TRAPPC9: variants seen among roughly 807,000 people sequenced by gnomAD.
TRAPPC9 encodes trafficking protein particle complex subunit 9, also known as IKK2 binding protein.
A neutral mutation model predicts 124.0 loss-of-function variants in TRAPPC9; 83 were observed. The observed-to-expected ratio is 0.67, with a 90% CI of 0.56 to 0.80. The LOEUF (loss-of-function observed/expected upper bound fraction) is 0.80, where lower values mean the gene tolerates loss of function less well. TRAPPC9 is among the 30% of genes least tolerant of loss of function. The pLI, the probability that TRAPPC9 is intolerant of heterozygous loss-of-function variation, is 0.00. For synonymous variants in TRAPPC9, 638 were observed against 617.5 expected (o/e 1.03, Z -0.49); for missense variants, 1,302 against 1,508.3 (o/e 0.86, Z 2.27).
At chr8:139,930,731 T>G (rs548557111) in intron 19 of TRAPPC9, among the ~76,000 whole-genome samples, 1 of 152,346 alleles carries the variant, frequency 6.6e-6, no homozygotes, top group East Asian at 1.9e-4. Flanking sequence ...CTTCCAGAGC[T>G]GGAGCTCCCT....
intron 5 of TRAPPC9, among the ~76,000 whole-genome samples, chr8:140,417,424 G>A (rs201489112): frequency 6.6e-6 from 1 of 152,186 alleles, no homozygotes; most frequent in South Asian, 2.1e-4. Context: ...CACTTCTCAA[G>A]AGAAGACATT....
chr8:140,391,730 A>G (rs2068930132), intron 7 of TRAPPC9, among the ~76,000 whole-genome samples: 1 of 149,628 alleles, frequency 6.7e-6, no homozygotes, highest in Non-Finnish European at 1.5e-5. Context: ...AAAAAAAAAA[A>G]GAATTAAGAA....
chr8:139,989,159 C>T (rs971240472), intron 18 of TRAPPC9, among the ~76,000 whole-genome samples: 1 of 152,250 alleles, frequency 6.6e-6, no homozygotes. Flanking sequence ...TCAATATACA[C>T]TGACGACTGG....
chr8:140,338,312 CAT>C (rs1301882095), intron 9 of TRAPPC9, among the ~76,000 whole-genome samples: 4 of 152,152 alleles, frequency 2.6e-5, no homozygotes, highest in Non-Finnish European at 5.9e-5. Context: ...GCTGACATTT[CAT>C]ATGTGTCCGC....
intron 14 of TRAPPC9, among the ~76,000 whole-genome samples, chr8:140,278,938 G>A (rs937013294): frequency 1.2e-4 from 18 of 152,238 alleles, no homozygotes; most frequent in African/African-American, 4.1e-4. Context: ...TGTCTCTGAA[G>A]GCCTGCCTCT....
intron 9 of TRAPPC9, among the ~76,000 whole-genome samples, chr8:140,349,825 G>C (rs2067494372): frequency 1.3e-5 from 2 of 152,218 alleles, no homozygotes; most frequent in Non-Finnish European, 2.9e-5. Context: ...GACCTGATGA[G>C]GGTAACGGGC....
chr8:139,889,863 T>A (rs1395438204), intron 20 of TRAPPC9, among the ~76,000 whole-genome samples: 1 of 152,152 alleles, frequency 6.6e-6, no homozygotes. Context: ...GGCAGCTTCC[T>A]CCAATCAAGC....
Position 140,373,558 on chromosome 8 carries a change from C to T in TRAPPC9, c.1135-2378G>A, listed in dbSNP as rs142769986. 5.4e-3 allele frequency among the ~76,000 whole-genome samples: 826 copies of T among 152,174 alleles called. 4 individuals carry two copies. Among genetic ancestry groups the T allele is most frequent in the African/African-American group, 0.019 (776 of 41,430 alleles). ...TCTCCCACACAATTTACCTACATAT[C>T]GGATCTCTGCCAGCCCCACTTTTCC... On this transcript the variant is annotated intron_variant, in intron 7 of 22. Coordinates refer to ENST00000438773, the MANE Select transcript of TRAPPC9 (RefSeq NM_001160372.4).
At chr8:140,367,852 C>T (rs1346055534) in intron 8 of TRAPPC9, among the ~76,000 whole-genome samples, 1 of 152,130 alleles carries the variant, frequency 6.6e-6, no homozygotes, top group African/African-American at 2.4e-5. Context: ...GGGTCATCAG[C>T]CTCAATTCAC....
intron 21 of TRAPPC9, among the ~76,000 whole-genome samples, chr8:139,764,349 A>G (rs910708155): frequency 2.0e-5 from 3 of 152,138 alleles, no homozygotes; most frequent in Non-Finnish European, 4.4e-5. Flanking sequence ...GTGATAGGAG[A>G]TGCCACAACA....
chr8:139,910,861 C>G (rs10111365), intron 19 of TRAPPC9, among the ~76,000 whole-genome samples: 23,300 of 152,134 alleles, frequency 0.15, 2,081 homozygotes, highest in African/African-American at 0.23. Context: ...AAATAACTAG[C>G]TTGTTTTTGA....
At chr8:139,906,763 G>T (rs187115396) in intron 20 of TRAPPC9, among the ~76,000 whole-genome samples, 5 of 152,214 alleles carry the variant, frequency 3.3e-5, no homozygotes, top group Admixed American at 3.3e-4. Context: ...AGGCCCTCAC[G>T]GTCCCTGACT....
intron 19 of TRAPPC9, among the ~76,000 whole-genome samples, chr8:139,953,948 A>T (rs1032725230): frequency 6.6e-6 from 1 of 152,240 alleles, no homozygotes; most frequent in South Asian, 2.1e-4. Context: ...GCTGCAGACG[A>T]TGTAGAGAAC....
intron 5 of TRAPPC9, among the ~76,000 whole-genome samples, chr8:140,419,400 G>GAT (rs1221262687): frequency 3.9e-5 from 5 of 128,476 alleles, no homozygotes; most frequent in East Asian, 2.5e-4. Flanking sequence ...CTGCACTCCA[G>GAT]CCTGGGCGAC....
chr8:140,186,310 A>G (rs1434290909), intron 17 of TRAPPC9, among the ~76,000 whole-genome samples: 3 of 152,198 alleles, frequency 2.0e-5, no homozygotes, highest in African/African-American at 7.2e-5. Flanking sequence ...TAGGCTGGGC[A>G]TGGTGGCTTA....
intron 8 of TRAPPC9, among the ~76,000 whole-genome samples, chr8:140,365,283 C>T (rs989968994): frequency 1.3e-5 from 2 of 152,104 alleles, no homozygotes; most frequent in Admixed American, 1.3e-4. Context: ...GGCCAGCATC[C>T]CACAGCTGGT....
chr8:139,764,427 T>C lies in TRAPPC9; in HGVS notation c.3056-32225A>G, dbSNP rs1046731307. Among the ~76,000 whole-genome samples the C allele has an allele frequency of 2.6e-4, 39 of 152,184 alleles. 1 individual carries two copies. Among genetic ancestry groups the C allele is most frequent in the Non-Finnish European group, 4.4e-5 (3 of 68,018 alleles). On this transcript the variant is annotated intron_variant, in intron 21 of 22. Coordinates refer to ENST00000438773, the MANE Select transcript of TRAPPC9 (RefSeq NM_001160372.4). Reference sequence around the variant, plus strand: ...GGAGCAGGGCAGGGCTGCAAAGCTGTGTCCCAGAGGGATCACCTATGAAGC... The same window carrying C: ...GGAGCAGGGCAGGGCTGCAAAGCTGCGTCCCAGAGGGATCACCTATGAAGC...
chr8:140,061,443 CAAG>C (rs1404101403), intron 17 of TRAPPC9, among the ~76,000 whole-genome samples: 1 of 152,168 alleles, frequency 6.6e-6, no homozygotes, highest in Non-Finnish European at 1.5e-5. Flanking sequence ...TCTCTGTCCT[CAAG>C]GAGCCCGCAG....
rs1370297502 is a variant in TRAPPC9 at position 139,728,017 on chromosome 8, T to C, written c.*3044A>G. ...CCCAGTATTTATTAAGAAGTTGCTA[T>C]CATGTGCTAAAAAAAAATCTAGGAG... On this transcript the variant is annotated 3_prime_UTR_variant, in exon 23 of 23. Transcript: ENST00000438773. Among the ~76,000 whole-genome samples the C allele has an allele frequency of 1.4e-5, 2 of 140,560 alleles. No individual in the cohort carries two copies. The highest frequency in any genetic ancestry group is 2.9e-5 in the African/African-American group (1 of 34,042). 92.2% of individuals were successfully genotyped at this position (140,560 alleles called of 152,430 possible). A position where few individuals can be genotyped will look rare whatever the true frequency, so the allele number is the denominator to read the frequency against.
Sources: allele counts gnomAD v4.1 joint callset (sites outside exome capture counted in the v4.1 genomes callset), GRCh38; gene constraint gnomAD v4.1.1; transcripts MANE v1.5; gene names NCBI Gene and HGNC (gene_info 2026-07-23, HGNC 2026-07-21).